PGR: variants seen among roughly 807,000 people sequenced by gnomAD.
The protein encoded by PGR is nuclear receptor subfamily 3 group C member 3.
PGR carries 25 observed loss-of-function variants against 76.1 expected under a neutral mutation model. The observed-to-expected ratio is 0.33, with a 90% CI of 0.24 to 0.46. The LOEUF is 0.46. Among genes scored for constraint, PGR ranks in the 20% least tolerant of loss-of-function variants. The pLI is 1.00. For synonymous variants in PGR, 579 were observed against 535.0 expected, an observed-to-expected ratio of 1.08 and a Z score of -1.14; for missense variants, 1,172 against 1,225.3, an observed-to-expected ratio of 0.96 and a Z score of 0.65.
At chr11:101,095,669 T>C (rs1027861404) in intron 2 of PGR, among the ~76,000 whole-genome samples, 38 of 152,206 alleles carry the variant, frequency 2.5e-4, no homozygotes, top group African/African-American at 7.5e-4. Flanking sequence ...AGATGACATT[T>C]GGCAATTAAA....
rs988314883 is a variant in PGR, at chr11:101,035,555, T to A, written c.*3561A>T. 4.7e-5 allele frequency: 11 copies of A among 232,106 alleles called. No homozygotes were observed. The highest frequency in any genetic ancestry group is 8.5e-5 in the Non-Finnish European group (10 of 117,420). The allele number at this position is 232,106 out of a possible 1,614,324, so 14.4% of individuals were successfully genotyped here. On this transcript the variant is annotated 3_prime_UTR_variant, in exon 8 of 8. Transcript: ENST00000325455. ...AACCCATTGTTCCCTTTTGTGGAAT[T>A]GCTGCCATAGTAAAAATAATTTGAG...
At chr11:101,045,717 A>G (rs563686469) in intron 6 of PGR, among the ~76,000 whole-genome samples, 13 of 151,424 alleles carry the variant, frequency 8.6e-5, no homozygotes, top group Non-Finnish European at 1.8e-4. Flanking sequence ...ATGTGTGAGT[A>G]CATCACATTT....
rs868375145 is a variant in PGR at position 101,034,751 on chromosome 11, C to T, written c.*4365G>A. ...TAGGCCCAGTTCAGCTTGGATTCATCTTATGGATGTTGACTAATCTGGCTT... is the reference window on the plus strand; with the variant it reads ...TAGGCCCAGTTCAGCTTGGATTCATTTTATGGATGTTGACTAATCTGGCTT... On this transcript the variant is annotated 3_prime_UTR_variant, in exon 8 of 8. Transcript: ENST00000325455. 14 of 175,198 alleles carry T rather than the reference C, an allele frequency of 8.0e-5. No homozygotes were observed. Among genetic ancestry groups the T allele is most frequent in the African/African-American group, 2.4e-4 (10 of 42,136 alleles). The allele number at this position is 175,198 out of a possible 1,614,324, so 10.9% of individuals were successfully genotyped here.
chr11:101,060,500 CTG>C (rs1441384429), intron 4 of PGR, among the ~76,000 whole-genome samples: 1 of 152,112 alleles, frequency 6.6e-6, no homozygotes, highest in African/African-American at 2.4e-5. Flanking sequence ...TGAATAAAAA[CTG>C]TAAGCTTATT....
At position 101,068,551 on chromosome 11, in the gene PGR, G is replaced by A. The variant is rs145690393; in HGVS notation, c.1907-5799C>T. ...TTCATATGGAACCAAAAAAGAGCCT[G>A]TATAGCCAAGACATCCTAAGTCAAA... On this transcript the variant is annotated intron_variant, in intron 3 of 7. Coordinates refer to ENST00000325455, the MANE Select transcript of PGR (RefSeq NM_000926.4). Among the ~76,000 whole-genome samples, 837 of 152,182 alleles carry A rather than the reference G, an allele frequency of 5.5e-3. 12 individuals carry two copies. Among genetic ancestry groups the A allele is most frequent in the East Asian group, 0.039 (200 of 5,180 alleles).
At chr11:101,099,365 C>T (rs1275526294) in intron 2 of PGR, among the ~76,000 whole-genome samples, 1 of 152,116 alleles carries the variant, frequency 6.6e-6, no homozygotes, top group Non-Finnish European at 1.5e-5. Context: ...TCAAACCAAT[C>T]TATCATGTTA....
rs769847212 is a variant in PGR, at chr11:101,127,733, G to A, written c.1338C>T (p.Ala446=). ...EAAVTAAPAS[A]SVSSASSSGS... is the part of the protein sequence containing the mutation. ...CCGAGGAGGACGCAGACGAGACTGA[G>A]GCACTGGCGGGTGCGGCCGTCACCG... Residue 446 remains alanine (A), a synonymous_variant, in exon 1 of 8, where the codon GCC becomes GCT. Transcript: ENST00000325455. 6.4e-7 allele frequency: 1 copy of A among 1,563,170 alleles called. No individual in the cohort carries two copies. Among genetic ancestry groups the A allele is most frequent in the Non-Finnish European group, 8.6e-7 (1 of 1,161,004 alleles).
At chr11:101,121,668 C>T (rs1473744808) in intron 2 of PGR, among the ~76,000 whole-genome samples, 1 of 152,250 alleles carries the variant, frequency 6.6e-6, no homozygotes, top group East Asian at 1.9e-4. Flanking sequence ...ACCACATGTG[C>T]AATTAGTCAT....
chr11:101,041,915 T>C (rs760393374), intron 7 of PGR, 30 bp downstream of exon 7: 7 of 1,578,304 alleles, frequency 4.4e-6, no homozygotes, highest in Admixed American at 3.3e-5. Flanking sequence ...AGAATAATCA[T>C]TGATATTCTG....
rs570028305 is a variant in PGR, at chr11:101,036,807, G to C, written c.*2309C>G. 2 of 191,774 alleles carry C rather than the reference G, an allele frequency of 1.0e-5. No homozygotes were observed. The highest frequency in any genetic ancestry group is 1.1e-5 in the Non-Finnish European group (1 of 91,512). 11.9% of individuals were successfully genotyped at this position (191,774 alleles called of 1,614,324 possible). On this transcript the variant is annotated 3_prime_UTR_variant, in exon 8 of 8. Transcript: ENST00000325455. ...TTGAGTGAAATTAGAAAATTTTAAA[G>C]TTATTATGGAAATTAAATATATGCT...
In PGR at chr11:101,128,556, A is replaced by G. The variant is rs376101426; in HGVS notation, c.515T>C (p.Val172Ala). Reference protein sequence around the residue: ...SPLMSRSGCKVGDSSGTAAAH... With the variant: ...SPLMSRSGCKAGDSSGTAAAH... ...AGCTGCCGTCCCGGAGCTGTCTCCA[A>G]CCTTGCACCCGGACCGGCTCATGAG... is the stretch of plus-strand genomic sequence containing the variant. The change falls in exon 1 of 8, where the codon GTT becomes GCT. Residue 172 changes from valine to alanine, a missense_variant. Coordinates refer to ENST00000325455, the MANE Select transcript of PGR (RefSeq NM_000926.4). 7 of 1,599,440 alleles carry G rather than the reference A, an allele frequency of 4.4e-6. 1 individual carries two copies. The highest frequency in any genetic ancestry group is 2.7e-5 in the African/African-American group (2 of 74,792).
chr11:101,100,144 G>T (rs928540309), intron 2 of PGR, among the ~76,000 whole-genome samples: 5 of 152,132 alleles, frequency 3.3e-5, no homozygotes, highest in Non-Finnish European at 5.9e-5. Context: ...CCCATGTTGT[G>T]GGAGGAACTC....
intron 4 of PGR, among the ~76,000 whole-genome samples, chr11:101,057,086 T>C (rs1860323053): frequency 6.6e-6 from 1 of 152,202 alleles, no homozygotes; most frequent in Admixed American, 6.5e-5. Context: ...CACTATAGGC[T>C]TGTGAGACAG....
At chr11:101,072,625 G>T (rs1165316680) in intron 3 of PGR, among the ~76,000 whole-genome samples, 1 of 152,196 alleles carries the variant, frequency 6.6e-6, no homozygotes, top group African/African-American at 2.4e-5. Context: ...TAAAGGGATG[G>T]AGGAATATTT....
At chr11:101,082,518 T>C (rs1238278861) in intron 3 of PGR, among the ~76,000 whole-genome samples, 2 of 152,196 alleles carry the variant, frequency 1.3e-5, no homozygotes, top group African/African-American at 4.8e-5. Context: ...GATAGTGACA[T>C]GGACAATGAG....
chr11:101,067,150 T>TA (rs2135418331), intron 3 of PGR, among the ~76,000 whole-genome samples: 1 of 152,298 alleles, frequency 6.6e-6, no homozygotes, highest in South Asian at 2.1e-4. Context: ...CTTGGGGTCT[T>TA]ACACTGACAA....
Position 101,129,432 on chromosome 11 carries a change from C to A in PGR, c.-362G>T. ...CTGGAGACGCAGAGTACTCACAAGT[C>A]CGGCACTTGAGTGGCTGCGGCTGCG... is the stretch of plus-strand genomic sequence containing the variant. On this transcript the variant is annotated 5_prime_UTR_variant, in exon 1 of 8. Transcript: ENST00000325455. 1 of 277,566 alleles carries A rather than the reference C, an allele frequency of 3.6e-6. No homozygotes were observed. Among genetic ancestry groups the A allele is most frequent in the Admixed American group, 5.0e-5 (1 of 20,136 alleles). 17.2% of individuals were successfully genotyped at this position (277,566 alleles called of 1,614,324 possible).
chr11:101,127,557 G>C lies in PGR; in HGVS notation c.1514C>G (p.Ala505Gly). The C allele has an allele frequency of 7.3e-7, 1 of 1,375,752 alleles. No individual in the cohort carries two copies. The highest frequency in any genetic ancestry group is 9.4e-7 in the Non-Finnish European group (1 of 1,062,440). 85.2% of individuals were successfully genotyped at this position (1,375,752 alleles called of 1,614,324 possible). A position where few individuals can be genotyped will look rare whatever the true frequency, so the allele number is the denominator to read the frequency against. Residue 505 changes from alanine to glycine, a missense_variant, in exon 1 of 8, where the codon GCC becomes GGC. Coordinates refer to ENST00000325455, the MANE Select transcript of PGR (RefSeq NM_000926.4). ...AGGGTAGAGCGCGGGGGCCGCCCCG[G>C]CGGCGGCGGCAGAGGCGGAGGTGGA... is the stretch of plus-strand genomic sequence containing the variant. ...LPSTSASAAA[A>G]GAAPALYPAL...
intron 2 of PGR, among the ~76,000 whole-genome samples, chr11:101,108,744 T>C (rs11224598): frequency 0.32 from 48,791 of 152,036 alleles, 8,072 homozygotes; most frequent in African/African-American, 0.37. Context: ...AAAAAGGAGA[T>C]GGCAGTAACT....
Sources: allele counts gnomAD v4.1 joint callset (sites outside exome capture counted in the v4.1 genomes callset), GRCh38; gene constraint gnomAD v4.1.1; transcripts MANE v1.5; gene names NCBI Gene and HGNC (gene_info 2026-07-23, HGNC 2026-07-21).